The following NTM variants were observed in gnomAD, a reference collection of about 807,000 sequenced individuals.
NTM encodes IgLON family member 2.
A neutral mutation model predicts 42.1 loss-of-function variants in NTM; 13 were observed. That is an observed-to-expected ratio of 0.31 (90% confidence interval 0.20 to 0.49). The LOEUF is 0.49. Among genes scored for constraint, NTM ranks in the 20% least tolerant of loss-of-function variants. The pLI, the probability that NTM is intolerant of heterozygous loss-of-function variation, is 0.99. For missense variants in NTM, 373 were observed against 452.8 expected (o/e 0.82, Z 1.60); for synonymous variants, 187 against 179.2 (o/e 1.04, Z -0.35).
At chr11:131,638,720 T>C (rs1174141238) in intron 1 of NTM, among the ~76,000 whole-genome samples, 4 of 152,184 alleles carry the variant, frequency 2.6e-5, no homozygotes, top group African/African-American at 9.7e-5. Context: ...GATAGCATTC[T>C]GAAAACCTAG....
At chr11:131,562,865 G>C (rs1211332419) in intron 1 of NTM, among the ~76,000 whole-genome samples, 2 of 152,140 alleles carry the variant, frequency 1.3e-5, no homozygotes, top group African/African-American at 2.4e-5. Flanking sequence ...AAAATAATTT[G>C]GGGACCCATT....
chr11:132,311,120 G>C (rs560146857), intron 6 of NTM, among the ~76,000 whole-genome samples: 3 of 152,300 alleles, frequency 2.0e-5, no homozygotes, highest in Admixed American at 6.5e-5. Flanking sequence ...CTGAGAAGGA[G>C]AGCAGCATGA....
chr11:131,954,850 C>G (rs918979269), intron 2 of NTM, among the ~76,000 whole-genome samples: 2 of 152,096 alleles, frequency 1.3e-5, no homozygotes, highest in Non-Finnish European at 2.9e-5. Flanking sequence ...ACTCATATAA[C>G]TTATGTATAT....
chr11:132,332,942 G>GGAGGGA (rs773819042), intron 8 of NTM, among the ~76,000 whole-genome samples: 7 of 152,148 alleles, frequency 4.6e-5, no homozygotes, highest in Non-Finnish European at 8.8e-5. Context: ...TTAGTCACAG[G>GGAGGGA]GAGGGAGCGG....
At chr11:132,311,709 G>A (rs1455170903) in intron 6 of NTM, among the ~76,000 whole-genome samples, 5 of 152,184 alleles carry the variant, frequency 3.3e-5, no homozygotes, top group Non-Finnish European at 7.3e-5. Flanking sequence ...AGGTCTTAAT[G>A]AAAAGTCATC....
intron 1 of NTM, among the ~76,000 whole-genome samples, chr11:131,568,250 C>T (rs34311745): frequency 5.3e-5 from 8 of 152,276 alleles, no homozygotes; most frequent in African/African-American, 7.2e-5. Flanking sequence ...GACCACATAC[C>T]GGGCTCAGTC....
chr11:132,099,252 G>A (rs2061369590), intron 2 of NTM, among the ~76,000 whole-genome samples: 1 of 152,144 alleles, frequency 6.6e-6, no homozygotes, highest in African/African-American at 2.4e-5. Context: ...GTTGATTGGT[G>A]GCAGTCTGCT....
rs527424849 is a variant in NTM, at chr11:132,172,845, C to G, written c.400+26331C>G. Among the ~76,000 whole-genome samples the G allele has an allele frequency of 2.0e-5, 3 of 152,284 alleles. No homozygotes were observed. The South Asian group carries it at 6.2e-4, about 32-fold the overall frequency. ...CAACTTCTGCCCTTTGTTTCGATCGCTTTTGCCATGTGTGATTGGTGAATT... is the reference window on the plus strand; with the variant it reads ...CAACTTCTGCCCTTTGTTTCGATCGGTTTTGCCATGTGTGATTGGTGAATT... On this transcript the variant is annotated intron_variant, in intron 3 of 8. Transcript: ENST00000683400.
At chr11:132,285,196 C>A (rs1246578780) in intron 4 of NTM, 1 of 152,538 alleles carries the variant, frequency 6.6e-6, no homozygotes, top group Non-Finnish European at 1.5e-5. Context: ...CCCATCTGCC[C>A]CTCAGAGGCC....
At chr11:132,193,698 T>A in intron 3 of NTM, among the ~76,000 whole-genome samples, 1 of 151,172 alleles carries the variant, frequency 6.6e-6, no homozygotes, top group Non-Finnish European at 1.5e-5. Context: ...GATGCGAAAA[T>A]CCATACAAAA....
chr11:132,265,321 G>T (rs2139601037), intron 4 of NTM, among the ~76,000 whole-genome samples: 1 of 152,312 alleles, frequency 6.6e-6, no homozygotes, highest in Admixed American at 6.5e-5. Flanking sequence ...AGATGGTTTT[G>T]TACGCAAACG....
Position 131,864,305 on chromosome 11 carries a change from G to A in NTM, c.83-47259G>A, listed in dbSNP as rs143246556. Reference sequence around the variant, plus strand: ...GTGGAGCGACTCCTTTGCTTAATGCGGGCTTCTGGTCAGTCCCTGGAGCTT... The same window carrying A: ...GTGGAGCGACTCCTTTGCTTAATGCAGGCTTCTGGTCAGTCCCTGGAGCTT... On this transcript the variant is annotated intron_variant, in intron 1 of 8. Transcript: ENST00000683400. 2.8e-4 allele frequency among the ~76,000 whole-genome samples: 42 copies of A among 152,216 alleles called. No homozygotes were observed. The East Asian group carries it at 6.4e-3, about 23-fold the overall frequency.
intron 1 of NTM, among the ~76,000 whole-genome samples, chr11:131,391,627 A>G (rs1171624699): frequency 6.9e-6 from 1 of 145,252 alleles, no homozygotes; most frequent in Non-Finnish European, 1.5e-5. Context: ...GAAATCAGTC[A>G]AATGACTTTT....
At chr11:131,714,279 C>G (rs978070585) in intron 1 of NTM, among the ~76,000 whole-genome samples, 1 of 152,098 alleles carries the variant, frequency 6.6e-6, no homozygotes, top group African/African-American at 2.4e-5. Context: ...ACCTCCACCT[C>G]CAGGGTTCAA....
intron 2 of NTM, chr11:132,140,909 G>A (rs2068968280): frequency 6.6e-6 from 1 of 152,210 alleles, no homozygotes; most frequent in Admixed American, 6.5e-5. Flanking sequence ...AGAGGCAATT[G>A]TGACCAGGTG....
intron 1 of NTM, among the ~76,000 whole-genome samples, chr11:131,773,242 G>C (rs1341138759): frequency 6.6e-6 from 1 of 152,148 alleles, no homozygotes; most frequent in African/African-American, 2.4e-5. Flanking sequence ...CATGGTGTAA[G>C]GGATGGTGGG....
Position 132,330,169 on chromosome 11 carries a change from C to T in NTM, c.951C>T (p.Ala317=), listed in dbSNP as rs1199138553. 5 of 1,551,614 alleles carry T rather than the reference C, an allele frequency of 3.2e-6. No homozygotes were observed. The highest frequency in any genetic ancestry group is 4.4e-6 in the Non-Finnish European group (5 of 1,146,974). ...SIMLFEVKTT[A]LTPWKGPGAV... is the part of the protein sequence containing the mutation. ...TTCTTTTAGAAGTGAAAACTACAGC[C>T]CTGACCCCTTGGAAAGGTTTGTATA... Residue 317 remains alanine (A), a synonymous_variant, in exon 8 of 9, where the codon GCC becomes GCT. Coordinates refer to ENST00000683400, the MANE Select transcript of NTM (RefSeq NM_001352005.2).
chr11:132,101,556 TTGTG>T (rs979774841), intron 2 of NTM, among the ~76,000 whole-genome samples: 4 of 131,048 alleles, frequency 3.1e-5, no homozygotes, highest in East Asian at 2.2e-4. Context: ...GAACACAACC[TTGTG>T]TGTGTGTGTG....
At chr11:131,560,043 AG>A (rs2056020382) in intron 1 of NTM, among the ~76,000 whole-genome samples, 1 of 152,240 alleles carries the variant, frequency 6.6e-6, no homozygotes, top group South Asian at 2.1e-4. Context: ...TATTTAAAAC[AG>A]GAAACAGCAA....
Sources: gnomAD v4.1 joint callset for allele counts (sites outside exome capture counted in the v4.1 genomes callset) on GRCh38, gnomAD v4.1.1 for gene constraint, MANE v1.5 for transcripts, NCBI Gene and HGNC (gene_info 2026-07-23, HGNC 2026-07-21) for gene names.